The following PIP4K2A variants were observed in gnomAD, a reference collection of about 807,000 sequenced individuals.
PIP4K2A encodes the protein phosphatidylinositol 5-phosphate 4-kinase type-2 alpha.
Under a neutral mutation model 42.9 loss-of-function variants are expected in PIP4K2A, and 14 were observed. The ratio of observed to expected loss-of-function variants is 0.33; its 90% CI spans 0.22 to 0.51. The LOEUF is 0.51. Ranked by LOEUF, PIP4K2A falls within the 20% of genes least tolerant of loss-of-function variation. The probability of loss-of-function intolerance (pLI) is 0.97; values close to 1 mark genes in which losing one functional copy is unlikely to be tolerated. For missense variants in PIP4K2A, 434 were observed against 519.8 expected, an observed-to-expected ratio of 0.83 and a Z score of 1.61; for synonymous variants, 192 against 192.2, an observed-to-expected ratio of 1.00 and a Z score of 0.01.
intron 1 of PIP4K2A, among the ~76,000 whole-genome samples, chr10:22,638,055 C>G (rs895668345): frequency 6.6e-6 from 1 of 152,198 alleles, no homozygotes; most frequent in African/African-American, 2.4e-5. Context: ...TCCTCCTGAA[C>G]AGTCCCCCAG....
chr10:22,639,305 G>C (rs568994040), intron 1 of PIP4K2A, among the ~76,000 whole-genome samples: 1 of 150,842 alleles, frequency 6.6e-6, no homozygotes, highest in Non-Finnish European at 1.5e-5. Context: ...AGAAACACCA[G>C]CTGAGCTTAC....
At chr10:22,609,050 G>A (rs1159466653) in intron 2 of PIP4K2A, among the ~76,000 whole-genome samples, 1 of 152,118 alleles carries the variant, frequency 6.6e-6, no homozygotes, top group African/African-American at 2.4e-5. Context: ...TTGTATATGT[G>A]TCAGTTTTTG....
chr10:22,550,645 C>T lies in PIP4K2A; in HGVS notation c.792+14G>A, dbSNP rs369310691. The T allele has an allele frequency of 1.5e-6, 2 of 1,329,278 alleles. No homozygotes were observed. Among genetic ancestry groups the T allele is most frequent in the Non-Finnish European group, 2.2e-6 (2 of 919,142 alleles). The allele number at this position is 1,329,278 out of a possible 1,614,324, so 82.3% of individuals were successfully genotyped here. The stretch of plus-strand genomic sequence containing the variant: ...TTATACAATGAGTCTGGCCTCTCCA[C>T]TGACTGTTCTTACCTCAACATCCTT... On this transcript the variant is annotated intron_variant, in intron 7 of 9. Transcript: ENST00000376573.
intron 4 of PIP4K2A, among the ~76,000 whole-genome samples, chr10:22,583,788 C>T (rs1265017355): frequency 6.6e-6 from 1 of 152,358 alleles, no homozygotes; most frequent in Non-Finnish European, 1.5e-5. Flanking sequence ...AGAGATGGGA[C>T]GCCCAGATTC....
chr10:22,570,342 T>C (rs117568168), intron 5 of PIP4K2A, among the ~76,000 whole-genome samples: 77 of 152,350 alleles, frequency 5.1e-4, no homozygotes, highest in Admixed American at 2.2e-3. Flanking sequence ...AAGAACAACA[T>C]GTGACTTTAG....
At chr10:22,544,438 C>T (rs891741593) in intron 7 of PIP4K2A, among the ~76,000 whole-genome samples, 3 of 152,174 alleles carry the variant, frequency 2.0e-5, no homozygotes, top group Non-Finnish European at 4.4e-5. Flanking sequence ...CCCTCCCAAG[C>T]CTAGCACGGT....
intron 1 of PIP4K2A, among the ~76,000 whole-genome samples, chr10:22,649,988 T>C (rs770259901): frequency 6.6e-6 from 1 of 152,232 alleles, no homozygotes; most frequent in Non-Finnish European, 1.5e-5. Flanking sequence ...TGGTTCTATC[T>C]GCCTTCCTCA....
At chr10:22,595,148 A>T (rs1837604850) in intron 3 of PIP4K2A, among the ~76,000 whole-genome samples, 1 of 152,242 alleles carries the variant, frequency 6.6e-6, no homozygotes, top group South Asian at 2.1e-4. Flanking sequence ...GATCCTTGGA[A>T]TGATTCTAAG....
At chr10:22,567,305 G>A (rs769168778) in intron 6 of PIP4K2A, among the ~76,000 whole-genome samples, 2 of 152,096 alleles carry the variant, frequency 1.3e-5, no homozygotes, top group Non-Finnish European at 2.9e-5. Flanking sequence ...GGTCCAATAA[G>A]CCAGGAAAAG....
At chr10:22,668,782 C>T (rs1056794587) in intron 1 of PIP4K2A, among the ~76,000 whole-genome samples, 13 of 152,256 alleles carry the variant, frequency 8.5e-5, no homozygotes, top group South Asian at 4.1e-4. Flanking sequence ...AAACAAAACA[C>T]GAATGGGAAT....
rs577635392 is a variant in PIP4K2A, at chr10:22,567,753, A to G, written c.678+98T>C. On this transcript the variant is annotated intron_variant, in intron 6 of 9. Coordinates refer to ENST00000376573, the MANE Select transcript of PIP4K2A (RefSeq NM_005028.5). ...CAGAATGGGGAACAGGAAGAACCAC[A>G]ATAGCAGGGGTGGGAGACTAGAAAT... 3.9e-6 allele frequency: 4 copies of G among 1,030,670 alleles called. No individual in the cohort carries two copies. In the African/African-American group the frequency reaches 6.3e-5, roughly 16 times the overall value. The allele number at this position is 1,030,670 out of a possible 1,614,324, so 63.8% of individuals were successfully genotyped here. A position where few individuals can be genotyped will look rare whatever the true frequency, so the allele number is the denominator to read the frequency against.
intron 4 of PIP4K2A, among the ~76,000 whole-genome samples, chr10:22,576,778 TATTC>T (rs1210716454): frequency 7.2e-5 from 11 of 152,178 alleles, no homozygotes; most frequent in African/African-American, 2.7e-4. Flanking sequence ...TCACTCTCAA[TATTC>T]ATTCATAGAG....
intron 6 of PIP4K2A, among the ~76,000 whole-genome samples, chr10:22,562,570 GC>G (rs1328293571): frequency 6.6e-6 from 1 of 152,152 alleles, no homozygotes; most frequent in Non-Finnish European, 1.5e-5. Flanking sequence ...AAACAGTTTG[GC>G]TCTATTAATA....
intron 1 of PIP4K2A, chr10:22,694,614 T>C (rs371967116): frequency 6.6e-5 from 10 of 152,068 alleles, no homozygotes; most frequent in African/African-American, 2.2e-4. Context: ...CAGTAATACC[T>C]GGCAGATGTT....
chr10:22,633,067 GA>G (rs1338810907), intron 1 of PIP4K2A, among the ~76,000 whole-genome samples: 1 of 152,126 alleles, frequency 6.6e-6, no homozygotes, highest in Non-Finnish European at 1.5e-5. Flanking sequence ...TTAACCCTGT[GA>G]AATGGGCACA....
chr10:22,667,386 C>T (rs1047605306), intron 1 of PIP4K2A, among the ~76,000 whole-genome samples: 1 of 152,052 alleles, frequency 6.6e-6, no homozygotes, highest in Non-Finnish European at 1.5e-5. Context: ...TTATGAATAC[C>T]AAATTAGAAT....
rs533300704 is a variant in PIP4K2A, at chr10:22,566,770, A to C, written c.678+1081T>G. Among the ~76,000 whole-genome samples the C allele has an allele frequency of 2.6e-5, 4 of 152,298 alleles. No individual in the cohort carries two copies. In the East Asian group the frequency reaches 7.7e-4, roughly 29 times the overall value. ...TTTCTGGACATCACCTCCTCCAGGA[A>C]GCCCTTCCTTGACCCTGCCCAGCCT... On this transcript the variant is annotated intron_variant, in intron 6 of 9. Transcript: ENST00000376573.
chr10:22,543,625 C>T (rs1293361166), intron 7 of PIP4K2A, among the ~76,000 whole-genome samples: 1 of 152,216 alleles, frequency 6.6e-6, no homozygotes, highest in Non-Finnish European at 1.5e-5. Flanking sequence ...CTGCCAGATT[C>T]CTTTCCAGCA....
chr10:22,598,377 A>T (rs914994459), intron 3 of PIP4K2A, among the ~76,000 whole-genome samples: 25 of 152,226 alleles, frequency 1.6e-4, no homozygotes, highest in African/African-American at 5.8e-4. Context: ...ACAAACAGAC[A>T]AAATTGGGGA....
Sources: allele counts gnomAD v4.1 joint callset (sites outside exome capture counted in the v4.1 genomes callset), GRCh38; gene constraint gnomAD v4.1.1; transcripts MANE v1.5; gene names NCBI Gene and HGNC (gene_info 2026-07-23, HGNC 2026-07-21).